The following FBXO28 variants were observed in gnomAD, a reference collection of about 807,000 sequenced individuals.
FBXO28 encodes the protein F-box protein 28.
Under a neutral mutation model 38.1 loss-of-function variants are expected in FBXO28, and 8 were observed. That is an observed-to-expected ratio of 0.21 (90% CI 0.12 to 0.38). The LOEUF is 0.38. Among genes scored for constraint, FBXO28 ranks in the 10% least tolerant of loss-of-function variants. FBXO28 has a pLI of 1.00. For synonymous variants in FBXO28, 168 were observed against 173.8 expected, an observed-to-expected ratio of 0.97 and a Z score of 0.26; for missense variants, 345 against 460.6, an observed-to-expected ratio of 0.75 and a Z score of 2.30.
intron 3 of FBXO28, among the ~76,000 whole-genome samples, chr1:224,150,222 G>C (rs1415633492): frequency 6.6e-6 from 1 of 152,166 alleles, no homozygotes; most frequent in Non-Finnish European, 1.5e-5. Context: ...TACTTGGGAG[G>C]CTGAGGCAGG....
At chr1:224,139,803 T>TACATACATACA in intron 3 of FBXO28, among the ~76,000 whole-genome samples, 1 of 148,390 alleles carries the variant, frequency 6.7e-6, no homozygotes, top group Non-Finnish European at 1.5e-5. Flanking sequence ...CATACATACA[T>TACATACATACA]TTTGGCCAGG....
intron 1 of FBXO28, among the ~76,000 whole-genome samples, chr1:224,124,612 T>C (rs1656862454): frequency 6.6e-6 from 1 of 152,248 alleles, no homozygotes; most frequent in Non-Finnish European, 1.5e-5. Flanking sequence ...CAAGTTAGCA[T>C]ACATTATCAG....
In FBXO28 at chr1:224,140,440, G is replaced by A. The variant is rs561756861; in HGVS notation, c.516+6228G>A. Among the ~76,000 whole-genome samples, 6 of 152,214 alleles carry A rather than the reference G, an allele frequency of 3.9e-5. No homozygotes were observed. The East Asian group carries it at 9.6e-4, about 24-fold the overall frequency. On this transcript the variant is annotated intron_variant, in intron 3 of 4. Transcript: ENST00000366862. ...CTTGATCATCACATTTTTGAAGAAC[G>A]TAGGTCAGTTATTTTGAGGGATATG...
intron 3 of FBXO28, among the ~76,000 whole-genome samples, chr1:224,136,132 C>T (rs1433322151): frequency 8.0e-5 from 4 of 50,244 alleles, no homozygotes; most frequent in Admixed American, 3.2e-4. Context: ...GAGATGGTGT[C>T]GTGCTGTGTC....
At chr1:224,122,202 G>GT (rs1656795172) in intron 1 of FBXO28, among the ~76,000 whole-genome samples, 1 of 152,160 alleles carries the variant, frequency 6.6e-6, no homozygotes. Flanking sequence ...AGCCAGAATG[G>GT]TTGTGATTCG....
intron 3 of FBXO28, among the ~76,000 whole-genome samples, chr1:224,139,827 G>A (rs879302194): frequency 4.6e-5 from 7 of 151,024 alleles, no homozygotes; most frequent in Non-Finnish European, 1.0e-4. Context: ...GGTGGCTCAT[G>A]CCTGTAATCC....
chr1:224,139,093 T>C (rs1421001022), intron 3 of FBXO28, among the ~76,000 whole-genome samples: 1 of 151,796 alleles, frequency 6.6e-6, no homozygotes, highest in African/African-American at 2.4e-5. Context: ...CAGTCTCTGC[T>C]CTTAACTGTC....
At chr1:224,140,146 G>A (rs1203149220) in intron 3 of FBXO28, among the ~76,000 whole-genome samples, 1 of 152,136 alleles carries the variant, frequency 6.6e-6, no homozygotes, top group African/African-American at 2.4e-5. Context: ...ATAAGTTGGA[G>A]ACACTGTGCT....
At position 224,151,915 on chromosome 1, in the gene FBXO28, G is replaced by A. The variant is rs527696753; in HGVS notation, c.517-1227G>A. Among the ~76,000 whole-genome samples the A allele has an allele frequency of 3.9e-5, 6 of 152,142 alleles. No homozygotes were observed. In the East Asian group the frequency reaches 7.7e-4, roughly 20 times the overall value. On this transcript the variant is annotated intron_variant, in intron 3 of 4. Coordinates refer to ENST00000366862, the MANE Select transcript of FBXO28 (RefSeq NM_015176.4). The stretch of plus-strand genomic sequence containing the variant: ...AAATTAGCCAGGTGTGGTGGCACAT[G>A]TCTGTAATCCCAGCTACTTGGGAGG...
At chr1:224,154,237 T>G (rs549510339) in intron 4 of FBXO28, among the ~76,000 whole-genome samples, 19 of 152,362 alleles carry the variant, frequency 1.2e-4, no homozygotes, top group African/African-American at 4.3e-4. Context: ...CAAAGCCTAT[T>G]TTATAATAAA....
At chr1:224,116,761 C>G (rs1425372847) in intron 1 of FBXO28, among the ~76,000 whole-genome samples, 1 of 152,142 alleles carries the variant, frequency 6.6e-6, no homozygotes, top group Non-Finnish European at 1.5e-5. Context: ...AAGATTTGCT[C>G]TAGGTTGAAA....
At chr1:224,154,919 G>A (rs1426059862) in intron 4 of FBXO28, among the ~76,000 whole-genome samples, 7 of 150,234 alleles carry the variant, frequency 4.7e-5, no homozygotes, top group African/African-American at 7.3e-5. Context: ...CGGAGGTTGC[G>A]GTGAGCCAAG....
At chr1:224,118,772 T>C (rs1656703393) in intron 1 of FBXO28, among the ~76,000 whole-genome samples, 1 of 152,214 alleles carries the variant, frequency 6.6e-6, no homozygotes, top group Non-Finnish European at 1.5e-5. Context: ...GCACAAGAGT[T>C]CTCAGTTTTT....
Position 224,153,488 on chromosome 1 carries a change from C to A in FBXO28, c.712+151C>A, listed in dbSNP as rs112118727. On this transcript the variant is annotated intron_variant, in intron 4 of 4. Coordinates refer to ENST00000366862, the MANE Select transcript of FBXO28 (RefSeq NM_015176.4). ...AGATTGGATTATCAACCATAACTTA[C>A]ACAACTAATCCACTAGTTAGGCTCA... The A allele has an allele frequency of 4.7e-3, 2,741 of 577,836 alleles. 65 individuals are homozygous for A. Among genetic ancestry groups the A allele is most frequent in the African/African-American group, 0.047 (2,434 of 52,318 alleles). 35.8% of individuals were successfully genotyped at this position (577,836 alleles called of 1,614,324 possible).
At chr1:224,151,453 GATC>G (rs1657645683) in intron 3 of FBXO28, among the ~76,000 whole-genome samples, 1 of 152,188 alleles carries the variant, frequency 6.6e-6, no homozygotes, top group Non-Finnish European at 1.5e-5. Flanking sequence ...CATTAACAAT[GATC>G]ATCATATTAT....
At chr1:224,133,055 A>G (rs1384950880) in intron 2 of FBXO28, among the ~76,000 whole-genome samples, 2 of 152,230 alleles carry the variant, frequency 1.3e-5, no homozygotes, top group African/African-American at 4.8e-5. Context: ...ATTATTGGGC[A>G]ATAAAAAGGT....
At chr1:224,148,521 G>A (rs552646317) in intron 3 of FBXO28, among the ~76,000 whole-genome samples, 5 of 152,010 alleles carry the variant, frequency 3.3e-5, no homozygotes, top group Non-Finnish European at 5.9e-5. Context: ...AATTCGCCAG[G>A]TGTGGTGGCG....
intron 3 of FBXO28, among the ~76,000 whole-genome samples, chr1:224,136,228 A>C (rs1476109839): frequency 1.4e-5 from 2 of 143,950 alleles, no homozygotes; most frequent in Non-Finnish European, 3.0e-5. Context: ...TTGTTTTATG[A>C]GTGTTCCCTT....
At chr1:224,157,117 G>T (rs1019144019) in intron 4 of FBXO28, among the ~76,000 whole-genome samples, 1 of 151,844 alleles carries the variant, frequency 6.6e-6, no homozygotes, top group Non-Finnish European at 1.5e-5. Context: ...GCCCTTCTCC[G>T]TTTCCTGGCA....
Sources: gnomAD v4.1 joint callset for allele counts (sites outside exome capture counted in the v4.1 genomes callset) on GRCh38, gnomAD v4.1.1 for gene constraint, MANE v1.5 for transcripts, NCBI Gene and HGNC (gene_info 2026-07-23, HGNC 2026-07-21) for gene names.